Variants in CDH11 observed in about 807,000 individuals in gnomAD.
CDH11 encodes cadherin-11.
Under a neutral mutation model 67.8 loss-of-function variants are expected in CDH11, and 11 were observed. The ratio of observed to expected loss-of-function variants is 0.16; its 90% CI spans 0.10 to 0.27. The LOEUF (loss-of-function observed/expected upper bound fraction) is 0.27. CDH11 is among the 10% of genes least tolerant of loss of function. The pLI is 1.00. For synonymous variants in CDH11, 419 were observed against 400.0 expected (o/e 1.05, Z -0.57); for missense variants, 847 against 1,031.2 (o/e 0.82, Z 2.45).
rs147029412 is a variant in CDH11 at position 65,073,199 on chromosome 16, C to T, written c.-297-19271G>A. 3.0e-3 allele frequency among the ~76,000 whole-genome samples: 453 copies of T among 152,308 alleles called. 2 individuals carry two copies. The highest frequency in any genetic ancestry group is 0.011 in the Admixed American group (167 of 15,298). On this transcript the variant is annotated intron_variant, in intron 1 of 12. Transcript: ENST00000268603. ...TTAGAGAAAACAAGAAACCTAGACC[C>T]CATAAGCTTCCCCTGCCCTCTCCCC...
At chr16:65,060,056 G>A (rs1023519753) in intron 1 of CDH11, among the ~76,000 whole-genome samples, 2 of 151,968 alleles carry the variant, frequency 1.3e-5, no homozygotes, top group African/African-American at 2.4e-5. Flanking sequence ...GTATTATTGC[G>A]TTGGTGCTTC....
intron 1 of CDH11, among the ~76,000 whole-genome samples, chr16:65,074,448 T>C (rs1258193776): frequency 1.3e-5 from 2 of 152,170 alleles, no homozygotes; most frequent in African/African-American, 4.8e-5. Flanking sequence ...TTTCTCTACA[T>C]AGAATGTGAT....
chr16:65,023,622 T>A (rs1017711629), intron 2 of CDH11, among the ~76,000 whole-genome samples: 1 of 152,216 alleles, frequency 6.6e-6, no homozygotes, highest in Non-Finnish European at 1.5e-5. Context: ...CTTCATTTTA[T>A]GCTAGACAAA....
chr16:65,064,697 TG>T (rs2074285676), intron 1 of CDH11, among the ~76,000 whole-genome samples: 1 of 152,232 alleles, frequency 6.6e-6, no homozygotes, highest in Non-Finnish European at 1.5e-5. Context: ...TCCTTTTAAT[TG>T]TATCTGTTTT....
Position 65,041,367 on chromosome 16 carries a change from G to A in CDH11, c.-173+12437C>T, listed in dbSNP as rs938950815. 3.9e-4 allele frequency among the ~76,000 whole-genome samples: 58 copies of A among 147,788 alleles called. 1 individual carries two copies. Among genetic ancestry groups the A allele is most frequent in the African/African-American group, 1.1e-3 (46 of 41,266 alleles). On this transcript the variant is annotated intron_variant, in intron 2 of 12. Transcript: ENST00000268603. ...ACTCTGAATTCTGGTGCTTCCACAAGCTGTGAAGAATAATCATGTTCCATG... is the reference window on the plus strand; with the variant it reads ...ACTCTGAATTCTGGTGCTTCCACAAACTGTGAAGAATAATCATGTTCCATG...
chr16:65,096,106 GA>G (rs1162350209), intron 1 of CDH11, among the ~76,000 whole-genome samples: 1 of 152,128 alleles, frequency 6.6e-6, no homozygotes, highest in Non-Finnish European at 1.5e-5. Context: ...AAGTCAGATT[GA>G]ATACATAATT....
chr16:65,083,699 T>A (rs753753615), intron 1 of CDH11, among the ~76,000 whole-genome samples: 84 of 152,202 alleles, frequency 5.5e-4, no homozygotes, highest in Non-Finnish European at 1.2e-3. Context: ...AACTCCCTTA[T>A]AAAGGATCTA....
chr16:65,066,436 A>G (rs2074314015), intron 1 of CDH11, among the ~76,000 whole-genome samples: 1 of 152,236 alleles, frequency 6.6e-6, no homozygotes, highest in Non-Finnish European at 1.5e-5. Flanking sequence ...GATACCAAAC[A>G]GGTAAGATTG....
intron 1 of CDH11, among the ~76,000 whole-genome samples, chr16:65,056,482 C>A (rs561354957): frequency 6.6e-6 from 1 of 152,250 alleles, no homozygotes; most frequent in East Asian, 1.9e-4. Flanking sequence ...TTGTTATATG[C>A]CACTAAATGT....
intron 1 of CDH11, among the ~76,000 whole-genome samples, chr16:65,120,914 G>T (rs942551858): frequency 3.3e-5 from 5 of 152,154 alleles, no homozygotes; most frequent in East Asian, 1.9e-4. Flanking sequence ...GGTTGGGGAG[G>T]GGGGAGAAGG....
At chr16:65,106,407 C>G (rs563688760) in intron 1 of CDH11, among the ~76,000 whole-genome samples, 1 of 152,286 alleles carries the variant, frequency 6.6e-6, no homozygotes, top group South Asian at 2.1e-4. Flanking sequence ...CAAAACTTTG[C>G]CATCTTGGTC....
At chr16:65,097,382 T>C (rs1021421016) in intron 1 of CDH11, among the ~76,000 whole-genome samples, 1 of 152,224 alleles carries the variant, frequency 6.6e-6, no homozygotes, top group Non-Finnish European at 1.5e-5. Flanking sequence ...GTCATGACTG[T>C]TCAATAATGA....
intron 1 of CDH11, among the ~76,000 whole-genome samples, chr16:65,092,725 C>T (rs2074812829): frequency 6.7e-6 from 1 of 149,540 alleles, no homozygotes; most frequent in Non-Finnish European, 1.5e-5. Context: ...CACCCATGAA[C>T]AGATCCATCA....
intron 7 of CDH11, chr16:64,987,511 G>A (rs1243916987): frequency 6.6e-6 from 1 of 152,250 alleles, no homozygotes; most frequent in African/African-American, 2.4e-5. Context: ...GTAAGAGGAT[G>A]GTGCTGTGTC....
chr16:64,987,743 G>C (rs1376499027), intron 7 of CDH11: 1 of 155,000 alleles, frequency 6.5e-6, no homozygotes, highest in South Asian at 2.1e-4. Flanking sequence ...CAGCAATGCA[G>C]TGAATCTTGA....
intron 2 of CDH11, among the ~76,000 whole-genome samples, chr16:65,014,311 T>G (rs920851218): frequency 1.5e-4 from 21 of 139,356 alleles, no homozygotes; most frequent in Non-Finnish European, 3.0e-4. Context: ...AAGCCATATA[T>G]TTAAAAGTTC....
intron 1 of CDH11, among the ~76,000 whole-genome samples, chr16:65,065,111 G>A (rs2142751241): frequency 6.6e-6 from 1 of 152,314 alleles, no homozygotes; most frequent in East Asian, 1.9e-4. Context: ...CAAGGACAGA[G>A]AAGGAATTAC....
intron 1 of CDH11, among the ~76,000 whole-genome samples, chr16:65,092,810 C>T (rs2074814760): frequency 6.6e-6 from 1 of 151,316 alleles, no homozygotes; most frequent in South Asian, 2.1e-4. Flanking sequence ...GTGCCTTGAC[C>T]TTTCCTTAAA....
chr16:64,979,957 T>C (rs559253726), intron 8 of CDH11, among the ~76,000 whole-genome samples: 31 of 152,286 alleles, frequency 2.0e-4, no homozygotes, highest in African/African-American at 7.0e-4. Flanking sequence ...CATGCAAAAA[T>C]TCAGTTACAT....
Sources: gnomAD v4.1 joint callset for allele counts (sites outside exome capture counted in the v4.1 genomes callset) on GRCh38, gnomAD v4.1.1 for gene constraint, MANE v1.5 for transcripts, NCBI Gene and HGNC (gene_info 2026-07-23, HGNC 2026-07-21) for gene names.